NCAM2: variants seen among roughly 807,000 people sequenced by gnomAD.
The protein encoded by NCAM2 is neural cell adhesion molecule 2.
In NCAM2, 30 loss-of-function variants were observed where a neutral mutation model predicts 98.1. The observed-to-expected ratio is 0.31, with a 90% CI of 0.23 to 0.41. NCAM2 has a LOEUF of 0.41. NCAM2 is among the 10% of genes least tolerant of loss of function. NCAM2 has a pLI of 1.00. For missense variants in NCAM2, 867 were observed against 1,005.8 expected (o/e 0.86, Z 1.87); for synonymous variants, 368 against 342.4 (o/e 1.07, Z -0.83).
At chr21:21,042,219 T>C (rs2064920211) in intron 1 of NCAM2, among the ~76,000 whole-genome samples, 1 of 152,128 alleles carries the variant, frequency 6.6e-6, no homozygotes, top group East Asian at 1.9e-4. Context: ...CTTTTGCTCA[T>C]TTTTGCCCAA....
At chr21:21,380,633 T>C (rs1239556021) in intron 9 of NCAM2, among the ~76,000 whole-genome samples, 1 of 152,118 alleles carries the variant, frequency 6.6e-6, no homozygotes. Context: ...TCTCAGAGCC[T>C]GCAATGGCAG....
intron 1 of NCAM2, among the ~76,000 whole-genome samples, chr21:21,053,822 A>C (rs993817489): frequency 4.0e-5 from 6 of 151,588 alleles, no homozygotes; most frequent in African/African-American, 1.5e-4. Flanking sequence ...TTTTCTACTT[A>C]CTTATATGTA....
intron 6 of NCAM2, among the ~76,000 whole-genome samples, chr21:21,325,765 T>C (rs2074495055): frequency 6.6e-6 from 1 of 152,178 alleles, no homozygotes; most frequent in Admixed American, 6.5e-5. Flanking sequence ...TTTTCTTATT[T>C]GAACAGCATT....
chr21:21,215,360 C>A (rs573436174), intron 1 of NCAM2, among the ~76,000 whole-genome samples: 1 of 152,078 alleles, frequency 6.6e-6, no homozygotes, highest in Admixed American at 6.6e-5. Context: ...ATATAAAGAT[C>A]ATTTTTAACA....
chr21:21,116,379 A>G (rs539907967), intron 1 of NCAM2, among the ~76,000 whole-genome samples: 4 of 152,300 alleles, frequency 2.6e-5, no homozygotes, highest in African/African-American at 7.2e-5. Flanking sequence ...AGTGCTTTAT[A>G]GTTTACAGAG....
At chr21:21,314,974 T>C (rs1301186443) in intron 5 of NCAM2, among the ~76,000 whole-genome samples, 1 of 152,230 alleles carries the variant, frequency 6.6e-6, no homozygotes, top group African/African-American at 2.4e-5. Context: ...ATTTTCCTAG[T>C]TCTTAACAGG....
intron 8 of NCAM2, among the ~76,000 whole-genome samples, chr21:21,360,515 T>A (rs1037841900): frequency 6.6e-6 from 1 of 152,034 alleles, no homozygotes; most frequent in Non-Finnish European, 1.5e-5. Context: ...TATAAGATAA[T>A]GTATTTCATA....
intron 1 of NCAM2, among the ~76,000 whole-genome samples, chr21:21,260,219 G>A (rs1310539172): frequency 6.6e-6 from 1 of 151,720 alleles, no homozygotes; most frequent in African/African-American, 2.4e-5. Flanking sequence ...CCAAACCCAC[G>A]ACTTATTGGC....
intron 1 of NCAM2, among the ~76,000 whole-genome samples, chr21:21,172,193 G>A (rs1185537929): frequency 6.6e-6 from 1 of 151,622 alleles, no homozygotes; most frequent in African/African-American, 2.4e-5. Flanking sequence ...CATCAGTTTG[G>A]TAAATTAAGA....
chr21:21,309,234 A>G (rs558193121), intron 5 of NCAM2, among the ~76,000 whole-genome samples: 1 of 152,260 alleles, frequency 6.6e-6, no homozygotes, highest in African/African-American at 2.4e-5. Flanking sequence ...TTTAGCATGG[A>G]TGCTAGATGT....
chr21:21,512,435 C>G (rs1988447288), intron 16 of NCAM2, among the ~76,000 whole-genome samples: 1 of 151,976 alleles, frequency 6.6e-6, no homozygotes, highest in Non-Finnish European at 1.5e-5. Flanking sequence ...TACGCCATTT[C>G]ACTTGGTCTG....
intron 8 of NCAM2, among the ~76,000 whole-genome samples, chr21:21,345,278 A>G (rs2075156196): frequency 1.3e-5 from 2 of 152,120 alleles, no homozygotes; most frequent in African/African-American, 4.8e-5. Context: ...CAAATGAACT[A>G]AATAAGACCC....
chr21:21,431,780 T>G (rs1013954008), intron 11 of NCAM2, among the ~76,000 whole-genome samples: 1 of 152,164 alleles, frequency 6.6e-6, no homozygotes, highest in Non-Finnish European at 1.5e-5. Flanking sequence ...TTATTTTTTT[T>G]TCTTAAACAC....
rs1602553532 is a variant in NCAM2 at position 21,522,594 on chromosome 21, G to A, written c.2283-11943G>A. Among the ~76,000 whole-genome samples the A allele has an allele frequency of 4.0e-5, 6 of 149,820 alleles. No homozygotes were observed. In the South Asian group the frequency reaches 1.3e-3, roughly 32 times the overall value. On this transcript the variant is annotated intron_variant, in intron 16 of 17. Coordinates refer to ENST00000400546, the MANE Select transcript of NCAM2 (RefSeq NM_004540.5). ...TTTTGCCAATAGATCTGACTTGCAA[G>A]AAATGCTTGAACAAGTTCTTTTTTT...
intron 8 of NCAM2, among the ~76,000 whole-genome samples, chr21:21,372,571 C>T (rs968482714): frequency 4.6e-5 from 7 of 151,662 alleles, no homozygotes; most frequent in Admixed American, 1.3e-4. Flanking sequence ...ATTTGTAATG[C>T]GTTTCTGTAG....
intron 15 of NCAM2, among the ~76,000 whole-genome samples, chr21:21,482,233 A>G (rs889313859): frequency 1.3e-5 from 2 of 152,188 alleles, no homozygotes; most frequent in Non-Finnish European, 2.9e-5. Context: ...TTGTGAGGCA[A>G]TTTTAAAGGC....
At chr21:21,202,238 G>T (rs1170963137) in intron 1 of NCAM2, among the ~76,000 whole-genome samples, 2 of 151,948 alleles carry the variant, frequency 1.3e-5, no homozygotes, top group African/African-American at 4.8e-5. Flanking sequence ...TATAAATCTG[G>T]TGATAATAAT....
At chr21:21,236,739 CAGAGA>C (rs2070843055) in intron 1 of NCAM2, among the ~76,000 whole-genome samples, 1 of 139,444 alleles carries the variant, frequency 7.2e-6, no homozygotes, top group African/African-American at 2.7e-5. Context: ...GATAGATTCT[CAGAGA>C]AATCAGTACA....
intron 9 of NCAM2, among the ~76,000 whole-genome samples, chr21:21,390,494 G>T (rs2076358118): frequency 6.6e-6 from 1 of 152,054 alleles, no homozygotes; most frequent in Non-Finnish European, 1.5e-5. Context: ...AGCAAGGGAG[G>T]GACACCAGTA....
Sources: gnomAD v4.1 joint callset for allele counts (sites outside exome capture counted in the v4.1 genomes callset) on GRCh38, gnomAD v4.1.1 for gene constraint, MANE v1.5 for transcripts, NCBI Gene and HGNC (gene_info 2026-07-23, HGNC 2026-07-21) for gene names.